ATRNL1: variants seen among roughly 807,000 people sequenced by gnomAD.
ATRNL1 encodes attractin-like protein 1.
ATRNL1 carries 95 observed loss-of-function variants against 182.7 expected under a neutral mutation model. That is an observed-to-expected ratio of 0.52 (90% CI 0.44 to 0.62). The LOEUF (loss-of-function observed/expected upper bound fraction) is 0.62, where lower values mean the gene tolerates loss of function less well. Among genes scored for constraint, ATRNL1 ranks in the 20% least tolerant of loss-of-function variants. The pLI, the probability that ATRNL1 is intolerant of heterozygous loss-of-function variation, is 0.00. For missense variants in ATRNL1, 1,471 were observed against 1,679.5 expected (o/e 0.88, Z 2.17); for synonymous variants, 576 against 568.3 (o/e 1.01, Z -0.19).
At chr10:115,768,187 G>A (rs782122197) in intron 27 of ATRNL1, among the ~76,000 whole-genome samples, 25 of 152,018 alleles carry the variant, frequency 1.6e-4, no homozygotes, top group Non-Finnish European at 3.2e-4. Flanking sequence ...TTAACCTCAT[G>A]TTTCTTTGTA....
chr10:115,188,053 G>GAGGGGGAGGGGGAGAGGGAGAA (rs1554889130), intron 8 of ATRNL1, among the ~76,000 whole-genome samples: 1 of 146,200 alleles, frequency 6.8e-6, no homozygotes, highest in African/African-American at 2.5e-5. Flanking sequence ...GAGGGAGGGG[G>GAGGGGGAGGGGGAGAGGGAGAA]AGGGGGAGGG....
intron 20 of ATRNL1, among the ~76,000 whole-genome samples, chr10:115,398,518 T>C (rs943137921): frequency 1.3e-5 from 2 of 151,950 alleles, no homozygotes; most frequent in Admixed American, 6.6e-5. Context: ...AGCTTGACTG[T>C]TATTAGTGTA....
At chr10:115,655,975 C>A (rs1035623894) in intron 26 of ATRNL1, among the ~76,000 whole-genome samples, 1 of 152,138 alleles carries the variant, frequency 6.6e-6, no homozygotes, top group Non-Finnish European at 1.5e-5. Flanking sequence ...CCTAAATACT[C>A]TTTATTTGCA....
intron 26 of ATRNL1, among the ~76,000 whole-genome samples, chr10:115,649,133 G>T (rs192755166): frequency 6.6e-6 from 1 of 152,002 alleles, no homozygotes; most frequent in African/African-American, 2.4e-5. Flanking sequence ...TTATAGTGAC[G>T]CTTTGTTTTA....
At chr10:115,101,482 TTTG>T (rs782539407) in intron 1 of ATRNL1, among the ~76,000 whole-genome samples, 2 of 149,672 alleles carry the variant, frequency 1.3e-5, no homozygotes, top group East Asian at 3.9e-4. Context: ...TTTTTTCAAG[TTTG>T]TTAACATGGT....
intron 19 of ATRNL1, among the ~76,000 whole-genome samples, chr10:115,343,359 T>C (rs1192563503): frequency 6.6e-6 from 1 of 152,164 alleles, no homozygotes. Flanking sequence ...TCAAATAGCC[T>C]GTCTTTAAGC....
rs1457648005 is a variant in ATRNL1 at position 115,120,235 on chromosome 10, A to T, written c.344A>T (p.Tyr115Phe). 6.3e-6 allele frequency: 10 copies of T among 1,576,436 alleles called. No individual in the cohort carries two copies. The Admixed American group carries it at 1.5e-4, about 24-fold the overall frequency. Residue 115 changes from tyrosine to phenylalanine, a missense_variant, in exon 2 of 29, where the codon TAT becomes TTT. By Grantham distance (22) the Tyr-to-Phe change is conservative (BLOSUM62 3). Around this residue, in one of 3 missense-constraint regions of ATRNL1, gnomAD observed 1,031 missense variants for 1,156.0 expected, o/e 0.89. Coordinates refer to ENST00000355044, the MANE Select transcript of ATRNL1 (RefSeq NM_207303.4). ...ACAGATGGCCCAATTAACTATAAAT[A>T]TAAAACTAAATGTACTTGGCTCATT... The part of the protein sequence containing the change: ...YLTDGPINYK[Y>F]KTKCTWLIEG...
chr10:115,649,410 A>G (rs1555033704), intron 26 of ATRNL1, among the ~76,000 whole-genome samples: 1 of 152,094 alleles, frequency 6.6e-6, no homozygotes, highest in Non-Finnish European at 1.5e-5. Context: ...TGTTATTGCT[A>G]GAGGTTTCCA....
chr10:115,574,253 C>T (rs961314464), intron 26 of ATRNL1, among the ~76,000 whole-genome samples: 1 of 150,528 alleles, frequency 6.6e-6, no homozygotes, highest in African/African-American at 2.4e-5. Context: ...GTTATATATA[C>T]ATAACTACAT....
At chr10:115,633,825 C>T (rs1244078470) in intron 26 of ATRNL1, among the ~76,000 whole-genome samples, 1 of 152,232 alleles carries the variant, frequency 6.6e-6, no homozygotes, top group South Asian at 2.1e-4. Context: ...AAGTATTTGA[C>T]ACCAGTGATT....
intron 19 of ATRNL1, among the ~76,000 whole-genome samples, chr10:115,342,494 A>G (rs528321405): frequency 6.6e-6 from 1 of 152,156 alleles, no homozygotes; most frequent in East Asian, 1.9e-4. Flanking sequence ...CCTTAACCTC[A>G]TCCATCTGCT....
chr10:115,323,057 C>G (rs1188275274), intron 18 of ATRNL1, among the ~76,000 whole-genome samples: 1 of 151,864 alleles, frequency 6.6e-6, no homozygotes, highest in African/African-American at 2.4e-5. Context: ...ATGATGTTTT[C>G]AAATAATTTT....
chr10:115,933,500 C>T lies in ATRNL1; in HGVS notation c.4019-11158C>T, dbSNP rs188202551. Among the ~76,000 whole-genome samples, 397 of 152,348 alleles carry T rather than the reference C, an allele frequency of 2.6e-3. 3 individuals are homozygous for T. The highest frequency in any genetic ancestry group is 2.4e-3 in the Non-Finnish European group (161 of 68,034). The stretch of plus-strand genomic sequence containing the variant: ...AGCCCACTCTGCTGCCGCCCACAAG[C>T]ACACATGGAGGGGAAGCCAGCAGGG... On this transcript the variant is annotated intron_variant, in intron 28 of 28. Coordinates refer to ENST00000355044, the MANE Select transcript of ATRNL1 (RefSeq NM_207303.4).
chr10:115,772,073 C>T, intron 27 of ATRNL1, among the ~76,000 whole-genome samples: 1 of 152,174 alleles, frequency 6.6e-6, no homozygotes, highest in East Asian at 1.9e-4. Flanking sequence ...GAAAGCTGCT[C>T]CTTTGACCAT....
intron 5 of ATRNL1, among the ~76,000 whole-genome samples, chr10:115,144,314 A>G (rs1331058768): frequency 6.6e-6 from 1 of 151,894 alleles, no homozygotes; most frequent in African/African-American, 2.4e-5. Context: ...TGCCCGTCTA[A>G]TTTTTTGTAT....
chr10:115,099,670 A>G (rs2085111781), intron 1 of ATRNL1, among the ~76,000 whole-genome samples: 1 of 152,046 alleles, frequency 6.6e-6, no homozygotes, highest in South Asian at 2.1e-4. Context: ...TTTAGTTTGC[A>G]TTTCCCGAAT....
chr10:115,905,937 G>T (rs894414307), intron 28 of ATRNL1, among the ~76,000 whole-genome samples: 1 of 152,190 alleles, frequency 6.6e-6, no homozygotes, highest in Non-Finnish European at 1.5e-5. Context: ...TTGAAGAATA[G>T]CCTGGTTTAT....
At chr10:115,647,352 C>T (rs1859696789) in intron 26 of ATRNL1, among the ~76,000 whole-genome samples, 1 of 152,112 alleles carries the variant, frequency 6.6e-6, no homozygotes, top group Non-Finnish European at 1.5e-5. Flanking sequence ...ATTTCTAGTT[C>T]TAGATCCTTG....
chr10:115,651,792 T>A (rs1860023392), intron 26 of ATRNL1, among the ~76,000 whole-genome samples: 3 of 152,284 alleles, frequency 2.0e-5, no homozygotes, highest in African/African-American at 7.2e-5. Flanking sequence ...TAATTATGTA[T>A]TTCGAAGTTG....
Sources: gnomAD v4.1 joint callset for allele counts (sites outside exome capture counted in the v4.1 genomes callset) on GRCh38, gnomAD v4.1.1 for gene constraint, gnomAD v4.1.1 regional missense constraint, MANE v1.5 for transcripts, NCBI Gene and HGNC (gene_info 2026-07-23, HGNC 2026-07-21) for gene names.